GPR19: variants seen among roughly 807,000 people sequenced by gnomAD.
GPR19 encodes probable G protein-coupled receptor 19.
A neutral mutation model predicts 28.5 loss-of-function variants in GPR19; 14 were observed. The observed-to-expected ratio is 0.49, with a 90% CI of 0.32 to 0.77. GPR19 has a LOEUF of 0.77. GPR19 is among the 30% of genes least tolerant of loss of function. GPR19 has a pLI of 0.03. For synonymous variants in GPR19, 173 were observed against 184.1 expected, an observed-to-expected ratio of 0.94 and a Z score of 0.49; for missense variants, 409 against 504.1, an observed-to-expected ratio of 0.81 and a Z score of 1.81.
the GPR19 span, among the ~76,000 whole-genome samples, chr12:12,707,991 T>A: frequency 1.1e-4 from 2 of 18,228 alleles, no homozygotes; most frequent in African/African-American, 1.8e-4. Context: ...TTCCTATTCT[T>A]TTTTTTTTTT....
the GPR19 span, chr12:12,703,343 T>G: frequency 1.0e-6 from 1 of 980,142 alleles, no homozygotes; most frequent in African/African-American, 1.8e-5. Context: ...GTCTCACTTT[T>G]TACCACAAGT....
rs545748767 is a variant in GPR19, at chr12:12,692,755, G to GA, written c.-180+2703_-180+2704insT. On this transcript the variant is annotated intron_variant, in intron 2 of 3. Transcript: ENST00000651487. ...AGCCCCTTTCTCCTTTGCTTTCTGAGCAAAAGTACTACTGGCCTCCAGCAG... is the reference window on the plus strand; with the variant it reads ...AGCCCCTTTCTCCTTTGCTTTCTGAGACAAAAGTACTACTGGCCTCCAGCAG... Among the ~76,000 whole-genome samples, 185 of 151,234 alleles carry GA rather than the reference G, an allele frequency of 1.2e-3. 1 individual carries two copies. Among genetic ancestry groups the GA allele is most frequent in the African/African-American group, 4.4e-3 (183 of 41,136 alleles).
chr12:12,690,195 T>C (rs576452623), intron 2 of GPR19, among the ~76,000 whole-genome samples: 6 of 152,330 alleles, frequency 3.9e-5, no homozygotes, highest in East Asian at 3.9e-4. Flanking sequence ...AGATGACTAA[T>C]AGGTGAAAAC....
intron 2 of GPR19, among the ~76,000 whole-genome samples, chr12:12,693,100 G>C (rs767159603): frequency 1.3e-5 from 2 of 152,178 alleles, no homozygotes; most frequent in Non-Finnish European, 2.9e-5. Context: ...CTACTAGCAA[G>C]TAACTTGTCT....
At position 12,661,311 on chromosome 12, in the gene GPR19, T is replaced by C; in HGVS notation, c.1138A>G (p.Met380Val). The C allele has an allele frequency of 8.1e-6, 13 of 1,614,016 alleles. No individual in the cohort carries two copies. Among genetic ancestry groups the C allele is most frequent in the Non-Finnish European group, 1.0e-5 (12 of 1,179,848 alleles). ...GAGTCTTTGGTAATAGTTTTGGCCATGGAAGGGATTTCTGAAATGCCAACG... is the reference window on the plus strand; with the variant it reads ...GAGTCTTTGGTAATAGTTTTGGCCACGGAAGGGATTTCTGAAATGCCAACG... ...NYVGISEIPSMAKTITKDSIY... is the reference protein window; with the variant it reads ...NYVGISEIPSVAKTITKDSIY... The change falls in exon 4 of 4, where the codon ATG becomes GTG. Residue 380 changes from methionine to valine, a missense_variant. By Grantham distance (21) the Met-to-Val change is conservative. Transcript: ENST00000651487. This position sits in a 1 kb window ranked among gnomAD's most constrained non-coding sequence, Gnocchi z 4.2.
At chr12:12,702,697 A>C in the GPR19 span, among the ~76,000 whole-genome samples, 1 of 152,212 alleles carries the variant, frequency 6.6e-6, no homozygotes, top group Non-Finnish European at 1.5e-5. Context: ...TGTTCAACTT[A>C]AATCTAAAAC....
intron 2 of GPR19, among the ~76,000 whole-genome samples, chr12:12,685,290 A>C: frequency 9.2e-6 from 1 of 108,114 alleles, no homozygotes; most frequent in East Asian, 2.9e-4. Flanking sequence ...GGTGGGGGGG[A>C]GGGAGATTCC....
At chr12:12,677,880 C>A (rs1945955529) in intron 3 of GPR19, among the ~76,000 whole-genome samples, 2 of 151,626 alleles carry the variant, frequency 1.3e-5, no homozygotes, top group Admixed American at 1.3e-4. Flanking sequence ...TCGAAACCAG[C>A]CTGACCAACA....
chr12:12,662,011 A>T lies in GPR19; in HGVS notation c.438T>A (p.Tyr146Ter). ...ATCKVVRYFQ[Y>*]LTPGVQIYVL... ...CGTAGATCTGGACACCTGGAGTGAGATATTGAAAATATCGCACAACCTTGC... is the reference window on the plus strand; with the variant it reads ...CGTAGATCTGGACACCTGGAGTGAGTTATTGAAAATATCGCACAACCTTGC... The change falls in exon 4 of 4, where the codon TAT becomes TAA. Residue 146 changes from tyrosine to a stop codon, truncating the protein, a stop_gained. Transcript: ENST00000651487. LOFTEE classifies it high-confidence loss of function. The T allele has an allele frequency of 6.2e-7, 1 of 1,614,234 alleles. No homozygotes were observed. Among genetic ancestry groups the T allele is most frequent in the East Asian group, 2.2e-5 (1 of 44,892 alleles).
At chr12:12,715,265 G>A in the GPR19 span, among the ~76,000 whole-genome samples, 1 of 152,172 alleles carries the variant, frequency 6.6e-6, no homozygotes, top group Non-Finnish European at 1.5e-5. Flanking sequence ...TTATGGTAGG[G>A]AGGCCTACCC....
chr12:12,713,027 T>C, the GPR19 span, among the ~76,000 whole-genome samples: 556 of 151,240 alleles, frequency 3.7e-3, 2 homozygotes, highest in African/African-American at 0.013. Flanking sequence ...GCCCTACCTA[T>C]GCCTACCTGG....
intron 2 of GPR19, among the ~76,000 whole-genome samples, chr12:12,691,233 A>G (rs1346383760): frequency 1.3e-5 from 2 of 152,248 alleles, no homozygotes; most frequent in African/African-American, 4.8e-5. Context: ...GGCAAAGTCA[A>G]ACAGAGGGAG....
At chr12:12,707,615 C>T in the GPR19 span, among the ~76,000 whole-genome samples, 1 of 152,208 alleles carries the variant, frequency 6.6e-6, no homozygotes, top group Non-Finnish European at 1.5e-5. Flanking sequence ...AGATCAGAAT[C>T]AGGGAAAATG....
At chr12:12,696,591 T>TC (rs1180338162), upstream of GPR19, among the ~76,000 whole-genome samples, 1 of 152,208 alleles carries the variant, frequency 6.6e-6, no homozygotes, top group Non-Finnish European at 1.5e-5. Flanking sequence ...AGCCAGTTTA[T>TC]CACCTTGGAA....
At chr12:12,710,121 G>T in the GPR19 span, among the ~76,000 whole-genome samples, 1 of 152,188 alleles carries the variant, frequency 6.6e-6, no homozygotes, top group African/African-American at 2.4e-5. Context: ...GGAGGCCGAG[G>T]TGGGTGGATC....
the GPR19 span, among the ~76,000 whole-genome samples, chr12:12,714,736 G>A: frequency 7.9e-5 from 12 of 152,164 alleles, no homozygotes; most frequent in African/African-American, 2.9e-4. Context: ...GAAGGATGGC[G>A]CTCTGATCTC....
At chr12:12,697,152 G>GAAAAAAAAA (rs1565413527), upstream of GPR19, among the ~76,000 whole-genome samples, 13 of 5,258 alleles carry the variant, frequency 2.5e-3, no homozygotes, top group South Asian at 8.0e-3. Flanking sequence ...TTGAAGCGAA[G>GAAAAAAAAA]TAAAAAAAAA....
chr12:12,716,372 T>TGGAG, the GPR19 span, among the ~76,000 whole-genome samples: 1 of 151,848 alleles, frequency 6.6e-6, no homozygotes, highest in Non-Finnish European at 1.5e-5. Flanking sequence ...GAGAGAAGGG[T>TGGAG]GGAGGAAGGA....
At chr12:12,704,545 A>T in the GPR19 span, among the ~76,000 whole-genome samples, 2 of 152,206 alleles carry the variant, frequency 1.3e-5, no homozygotes, top group African/African-American at 4.8e-5. Context: ...TAATTGTTAA[A>T]TTCAGATTAT....
Sources: gnomAD v4.1 joint callset for allele counts (sites outside exome capture counted in the v4.1 genomes callset) on GRCh38, gnomAD v4.1.1 for gene constraint, Gnocchi (gnomAD v3.1) non-coding constraint, MANE v1.5 for transcripts, NCBI Gene and HGNC (gene_info 2026-07-23, HGNC 2026-07-21) for gene names.